FTO: variants seen among roughly 807,000 people sequenced by gnomAD.
The protein encoded by FTO is alpha-ketoglutarate-dependent dioxygenase FTO.
Under a neutral mutation model 63.9 loss-of-function variants are expected in FTO, and 47 were observed. The ratio of observed to expected loss-of-function variants is 0.74; its 90% CI spans 0.58 to 0.94. The LOEUF (loss-of-function observed/expected upper bound fraction) is 0.94. FTO is among the 40% of genes least tolerant of loss of function. FTO has a pLI of 0.00. For synonymous variants in FTO, 207 were observed against 224.4 expected (o/e 0.92, Z 0.69); for missense variants, 562 against 618.1 (o/e 0.91, Z 0.96).
At chr16:53,720,979 T>G (rs1236618231) in intron 1 of FTO, among the ~76,000 whole-genome samples, 1 of 152,012 alleles carries the variant, frequency 6.6e-6, no homozygotes, top group Non-Finnish European at 1.5e-5. Flanking sequence ...TTGTAGAGAC[T>G]GGGTCTCACT....
chr16:53,850,796 GC>G (rs1350402511), intron 4 of FTO, among the ~76,000 whole-genome samples: 3 of 152,008 alleles, frequency 2.0e-5, no homozygotes, highest in Admixed American at 6.6e-5. Context: ...TGGGTACAGG[GC>G]TGCTTTTAAG....
intron 4 of FTO, among the ~76,000 whole-genome samples, chr16:53,852,541 C>T (rs2079840172): frequency 6.6e-6 from 1 of 152,104 alleles, no homozygotes; most frequent in African/African-American, 2.4e-5. Flanking sequence ...ATAAGACAAG[C>T]ACGCTTATAA....
Position 53,738,020 on chromosome 16 carries a change from C to T in FTO, c.45+33791C>T, listed in dbSNP as rs915376648. ...CCAGGTTAGAATGCAGTTGCACAAT[C>T]GTAGCTTTTTTTTTTTTTTTTTGAG... On this transcript the variant is annotated intron_variant, in intron 1 of 8. Transcript: ENST00000471389. Among the ~76,000 whole-genome samples the T allele has an allele frequency of 2.9e-5, 4 of 139,328 alleles. No individual in the cohort carries two copies. The South Asian group carries it at 6.6e-4, about 23-fold the overall frequency. The allele number at this position is 139,328 out of a possible 152,430, so 91.4% of individuals were successfully genotyped here. A position where few individuals can be genotyped will look rare whatever the true frequency, so the allele number is the denominator to read the frequency against.
chr16:53,889,211 G>A (rs117246370), intron 7 of FTO, among the ~76,000 whole-genome samples: 2,318 of 152,184 alleles, frequency 0.015, 27 homozygotes, highest in Middle Eastern at 0.027. Flanking sequence ...ATAACAATTC[G>A]AAAATAATAT....
chr16:54,067,155 CT>C (rs1567550834), intron 8 of FTO, among the ~76,000 whole-genome samples: 1 of 143,174 alleles, frequency 7.0e-6, no homozygotes, highest in Non-Finnish European at 1.5e-5. Flanking sequence ...TTTTTGTTTT[CT>C]TTTTTTGAAT....
intron 8 of FTO, among the ~76,000 whole-genome samples, chr16:53,964,690 T>C (rs1048272814): frequency 2.6e-5 from 4 of 152,242 alleles, no homozygotes; most frequent in African/African-American, 9.6e-5. Context: ...TTGAATGTAG[T>C]CTGCTTCTAT....
intron 1 of FTO, among the ~76,000 whole-genome samples, chr16:53,788,194 C>G (rs949204121): frequency 1.3e-5 from 2 of 152,198 alleles, no homozygotes; most frequent in African/African-American, 4.8e-5. Context: ...TCTTCAGACT[C>G]AAGCCTTACC....
intron 8 of FTO, among the ~76,000 whole-genome samples, chr16:54,054,015 GT>G (rs200873563): frequency 6.0e-5 from 9 of 148,826 alleles, no homozygotes; most frequent in African/African-American, 1.7e-4. Flanking sequence ...CCTGGTGTCG[GT>G]TTTTTTTTTC....
intron 8 of FTO, among the ~76,000 whole-genome samples, chr16:54,020,834 T>C (rs1207821471): frequency 6.6e-6 from 1 of 152,144 alleles, no homozygotes; most frequent in African/African-American, 2.4e-5. Flanking sequence ...TAGCTGGGCA[T>C]GGTGGCACAT....
At chr16:54,000,316 A>G (rs2084037817) in intron 8 of FTO, among the ~76,000 whole-genome samples, 1 of 152,220 alleles carries the variant, frequency 6.6e-6, no homozygotes, top group African/African-American at 2.4e-5. Flanking sequence ...CTCACATTTC[A>G]AAGAAAAACA....
chr16:53,888,028 G>A (rs186037791), intron 6 of FTO: 2 of 151,972 alleles, frequency 1.3e-5, no homozygotes, highest in South Asian at 2.1e-4. Context: ...TAATAAAAAC[G>A]TATTCAGTTT....
At chr16:53,966,945 C>G (rs1344652479) in intron 8 of FTO, among the ~76,000 whole-genome samples, 1 of 152,058 alleles carries the variant, frequency 6.6e-6, no homozygotes, top group Admixed American at 6.5e-5. Context: ...TGGCCTGATC[C>G]GTGTGGAGTG....
chr16:53,784,978 T>C (rs1423200318), intron 1 of FTO, among the ~76,000 whole-genome samples: 2 of 152,064 alleles, frequency 1.3e-5, no homozygotes, highest in Non-Finnish European at 2.9e-5. Context: ...GGAAACAAGT[T>C]TTTTTCTTAG....
At chr16:53,926,565 A>G (rs1018506154) in intron 7 of FTO, among the ~76,000 whole-genome samples, 2 of 152,244 alleles carry the variant, frequency 1.3e-5, no homozygotes, top group Non-Finnish European at 2.9e-5. Context: ...GGAGTACGAC[A>G]TGGTGGTGCA....
At chr16:53,889,509 A>G (rs370730728) in intron 7 of FTO, among the ~76,000 whole-genome samples, 2 of 152,134 alleles carry the variant, frequency 1.3e-5, no homozygotes, top group African/African-American at 2.4e-5. Context: ...CAGGTATGAC[A>G]TTAGCTAAAT....
intron 1 of FTO, among the ~76,000 whole-genome samples, chr16:53,721,859 TC>T (rs1422413357): frequency 2.6e-5 from 4 of 152,176 alleles, no homozygotes; most frequent in Non-Finnish European, 5.9e-5. Context: ...ACCATTCATT[TC>T]AATCGGAAAA....
chr16:54,103,106 G>C (rs2086673506), intron 8 of FTO, among the ~76,000 whole-genome samples: 1 of 152,158 alleles, frequency 6.6e-6, no homozygotes, highest in Non-Finnish European at 1.5e-5. Context: ...CTATGACTGT[G>C]CCACTGTGCT....
chr16:53,910,577 C>T (rs1023287896), intron 7 of FTO, among the ~76,000 whole-genome samples: 5 of 152,224 alleles, frequency 3.3e-5, no homozygotes, highest in African/African-American at 9.6e-5. Flanking sequence ...TACTGTGTCA[C>T]TTAGGCTGGA....
chr16:53,929,182 A>G (rs201858312), intron 7 of FTO, among the ~76,000 whole-genome samples: 1 of 152,208 alleles, frequency 6.6e-6, no homozygotes, highest in African/African-American at 2.4e-5. Context: ...CACCACCACA[A>G]TCAAGGTACA....
Sources: allele counts gnomAD v4.1 joint callset (sites outside exome capture counted in the v4.1 genomes callset), GRCh38; gene constraint gnomAD v4.1.1; transcripts MANE v1.5; gene names NCBI Gene and HGNC (gene_info 2026-07-23, HGNC 2026-07-21).